The following PCDHGB1 variants were observed in gnomAD, a reference collection of about 807,000 sequenced individuals.
The protein encoded by PCDHGB1 is protocadherin gamma-B1.
Under a neutral mutation model 56.6 loss-of-function variants are expected in PCDHGB1, and 34 were observed. The ratio of observed to expected loss-of-function variants is 0.60; its 90% CI spans 0.46 to 0.80. The LOEUF is 0.80. Ranked by LOEUF, PCDHGB1 falls within the 30% of genes least tolerant of loss-of-function variation. The probability of loss-of-function intolerance (pLI) is 0.00; values close to 1 mark genes in which losing one functional copy is unlikely to be tolerated. For synonymous variants in PCDHGB1, 561 were observed against 505.9 expected (o/e 1.11, Z -1.46); for missense variants, 1,278 against 1,204.6 (o/e 1.06, Z -0.90).
At chr5:141,404,623 C>T in intron 1 of PCDHGB1, 3 of 1,614,154 alleles carry the variant, frequency 1.9e-6, no homozygotes, top group Non-Finnish European at 2.5e-6. Context: ...ACCAGAATGA[C>T]AATGCCCCAG....
At chr5:141,383,396 C>G (rs749879106) in intron 1 of PCDHGB1, 3 of 1,614,028 alleles carry the variant, frequency 1.9e-6, no homozygotes, top group Non-Finnish European at 2.5e-6. Context: ...GGCACGAACT[C>G]CCTCCAGAGT....
chr5:141,365,813 A>G, intron 1 of PCDHGB1: 1 of 1,613,876 alleles, frequency 6.2e-7, no homozygotes, highest in East Asian at 2.2e-5. Flanking sequence ...GGCTGAAGAC[A>G]CATTTCAGGG....
chr5:141,467,296 A>G lies in PCDHGB1; in HGVS notation c.2410-27511A>G, dbSNP rs1032802325. Among the ~76,000 whole-genome samples the G allele has an allele frequency of 6.6e-5, 10 of 151,858 alleles. No individual in the cohort carries two copies. The East Asian group carries it at 9.7e-4, about 15-fold the overall frequency. On this transcript the variant is annotated intron_variant, in intron 1 of 3. Transcript: ENST00000523390. The stretch of plus-strand genomic sequence containing the variant: ...TCGAACTCTTGACCTCAAGTGATCC[A>G]CTCACCTCGGCCTCCCACAGTGCTG...
At chr5:141,409,832 G>A (rs777679132) in intron 1 of PCDHGB1, 20 of 1,610,814 alleles carry the variant, frequency 1.2e-5, no homozygotes, top group Non-Finnish European at 1.6e-5. Context: ...CACGCTCAGC[G>A]CCAACGTGAG....
At chr5:141,466,058 C>T (rs970494567) in intron 1 of PCDHGB1, among the ~76,000 whole-genome samples, 2 of 152,046 alleles carry the variant, frequency 1.3e-5, no homozygotes, top group African/African-American at 4.8e-5. Flanking sequence ...GGAGACGGAG[C>T]TTGCAGTGAG....
chr5:141,491,826 C>G lies in PCDHGB1; in HGVS notation c.2410-2981C>G. ...GGCTTGGTCGCTGGCTGCGCTCCAC[C>G]CGATTCTCGGGATCATTGGACCGTT... On this transcript the variant is annotated intron_variant, in intron 1 of 3. Coordinates refer to ENST00000523390, the MANE Select transcript of PCDHGB1 (RefSeq NM_018922.3). The surrounding 1 kb of genome is among the most constrained non-coding windows in gnomAD (Gnocchi z 6.9). 1 of 1,477,526 alleles carries G rather than the reference C, an allele frequency of 6.8e-7. No individual in the cohort carries two copies. The highest frequency in any genetic ancestry group is 9.0e-7 in the Non-Finnish European group (1 of 1,114,486). 91.5% of individuals were successfully genotyped at this position (1,477,526 alleles called of 1,614,324 possible). A position where few individuals can be genotyped will look rare whatever the true frequency, so the allele number is the denominator to read the frequency against.
intron 1 of PCDHGB1, 62 bp from the exon 2 acceptor site, chr5:141,494,745 G>T: frequency 1.2e-6 from 2 of 1,612,802 alleles, no homozygotes; most frequent in African/African-American, 1.3e-5. Context: ...ATCCCTAGGG[G>T]CTCGGGTGAC....
intron 2 of PCDHGB1, among the ~76,000 whole-genome samples, chr5:141,503,269 C>T (rs1161751693): frequency 6.6e-6 from 1 of 152,116 alleles, no homozygotes; most frequent in Non-Finnish European, 1.5e-5. Flanking sequence ...ACCCCAGCAC[C>T]TGGCTCTGTG....
At position 141,393,369 on chromosome 5, in the gene PCDHGB1, G is replaced by A. The variant is rs748036677; in HGVS notation, c.2409+40700G>A. 19 of 1,613,962 alleles carry A rather than the reference G, an allele frequency of 1.2e-5. No homozygotes were observed. In the South Asian group the frequency reaches 2.0e-4, roughly 17 times the overall value. Reference sequence around the variant, plus strand: ...CTTCTCCCTGGACGTGCAGACTGGAGACAATGGAGCCATAAACCCAGAGCT... The same window carrying A: ...CTTCTCCCTGGACGTGCAGACTGGAAACAATGGAGCCATAAACCCAGAGCT... On this transcript the variant is annotated intron_variant, in intron 1 of 3. Coordinates refer to ENST00000523390, the MANE Select transcript of PCDHGB1 (RefSeq NM_018922.3).
intron 2 of PCDHGB1, among the ~76,000 whole-genome samples, chr5:141,499,384 A>G (rs2099791576): frequency 6.6e-6 from 1 of 152,200 alleles, no homozygotes. Context: ...TTTTCCACTT[A>G]TAAAATAGTA....
chr5:141,423,267 G>A (rs530404769), intron 1 of PCDHGB1: 1 of 1,613,710 alleles, frequency 6.2e-7, no homozygotes, highest in Non-Finnish European at 8.5e-7. Flanking sequence ...GCAGCCTCGA[G>A]TCTCTGGCTA....
chr5:141,507,287 C>G (rs79707942), intron 3 of PCDHGB1: 1 of 148,974 alleles, frequency 6.7e-6, no homozygotes, highest in East Asian at 1.9e-4. Context: ...AAGTCAGTCT[C>G]AAATGTTGCA....
intron 3 of PCDHGB1, among the ~76,000 whole-genome samples, chr5:141,506,282 C>G (rs1422321122): frequency 6.6e-6 from 1 of 152,040 alleles, no homozygotes; most frequent in East Asian, 1.9e-4. Flanking sequence ...AACCCTGTCT[C>G]TACTAAAAAT....
At position 141,375,341 on chromosome 5, in the gene PCDHGB1, A is replaced by C. The variant is rs1378038175; in HGVS notation, c.2409+22672A>C. ...CCGGGAAGAGGTATTCTTGTACAAC[A>C]TCACTGTGACAGCCACGGACAAAGG... On this transcript the variant is annotated intron_variant, in intron 1 of 3. Transcript: ENST00000523390. 4.3e-6 allele frequency: 7 copies of C among 1,613,856 alleles called. No individual in the cohort carries two copies. Among genetic ancestry groups the C allele is most frequent in the South Asian group, 2.2e-5 (2 of 91,080 alleles).
intron 1 of PCDHGB1, among the ~76,000 whole-genome samples, chr5:141,450,832 T>TTATTA (rs764784095): frequency 5.6e-5 from 8 of 142,316 alleles, no homozygotes; most frequent in African/African-American, 2.2e-4. Context: ...TATTATTATT[T>TTATTA]TTTTTTTTTT....
chr5:141,375,784 C>T, intron 1 of PCDHGB1: 1 of 1,614,254 alleles, frequency 6.2e-7, no homozygotes. Context: ...ACCCCGCCCT[C>T]CCCACAGACG....
At chr5:141,357,327 G>T (rs373544325) in intron 1 of PCDHGB1, 3 of 1,614,030 alleles carry the variant, frequency 1.9e-6, no homozygotes, top group East Asian at 2.2e-5. Flanking sequence ...CTTTTGTCAC[G>T]GTGCTGCTAG....
intron 2 of PCDHGB1, among the ~76,000 whole-genome samples, chr5:141,497,158 T>A (rs2099774560): frequency 6.6e-6 from 1 of 151,860 alleles, no homozygotes; most frequent in African/African-American, 2.4e-5. Flanking sequence ...AAAAATAATC[T>A]AGCCACAAAT....
At chr5:141,426,896 C>A in intron 1 of PCDHGB1, 1 of 456,782 alleles carries the variant, frequency 2.2e-6, no homozygotes, top group Non-Finnish European at 4.4e-6. Context: ...AGCAACAGAG[C>A]TCTCATCTCC....
Sources: allele counts gnomAD v4.1 joint callset (sites outside exome capture counted in the v4.1 genomes callset), GRCh38; gene constraint gnomAD v4.1.1; non-coding constraint Gnocchi (gnomAD v3.1); transcripts MANE v1.5; gene names NCBI Gene and HGNC (gene_info 2026-07-23, HGNC 2026-07-21).